Variants in DALRD3 observed in about 807,000 individuals in gnomAD.
DALRD3 encodes DALR anticodon-binding domain-containing protein 3.
Under a neutral mutation model 56.7 loss-of-function variants are expected in DALRD3, and 47 were observed. The observed-to-expected ratio is 0.83, with a 90% CI of 0.66 to 1.06. The LOEUF (loss-of-function observed/expected upper bound fraction) is 1.06, where lower values mean the gene tolerates loss of function less well. Ranked by LOEUF, DALRD3 falls within the 50% of genes least tolerant of loss-of-function variation. DALRD3 has a pLI of 0.00. For synonymous variants in DALRD3, 347 were observed against 308.5 expected (o/e 1.12, Z -1.31); for missense variants, 787 against 724.0 (o/e 1.09, Z -1.00).
upstream of DALRD3, chr3:49,020,529 G>C (rs561404673): frequency 2.3e-6 from 1 of 436,290 alleles, no homozygotes; most frequent in African/African-American, 2.0e-5. Flanking sequence ...TCCAGCCTGA[G>C]GGCGCAACTG....
In DALRD3 at chr3:49,018,240, G is replaced by A. The variant is rs2093114639; in HGVS notation, c.244C>T (p.Pro82Ser). 2 of 1,437,678 alleles carry A rather than the reference G, an allele frequency of 1.4e-6. No homozygotes were observed. Among genetic ancestry groups the A allele is most frequent in the African/African-American group, 1.5e-5 (1 of 67,338 alleles). 89.1% of individuals were successfully genotyped at this position (1,437,678 alleles called of 1,614,324 possible). A position where few individuals can be genotyped will look rare whatever the true frequency, so the allele number is the denominator to read the frequency against. The change falls in exon 2 of 12, where the codon CCC (proline) becomes TCC (serine). Residue 82 changes from proline to serine, a missense_variant. Pro to Ser is a moderately conservative substitution (Grantham distance 74). Transcript: ENST00000341949. Reference sequence around the variant, plus strand: ...TGCAGTTGGAGAGACAGACCCGCGGGGGTCGGCGCGCAGCGCAGCACCGGG... The same window carrying A: ...TGCAGTTGGAGAGACAGACCCGCGGAGGTCGGCGCGCAGCGCAGCACCGGG... ...VAPVLRCAPT[P>S]AGLSLQLQRS...
At chr3:49,020,920 G>A, upstream of DALRD3, 1 of 255,786 alleles carries the variant, frequency 3.9e-6, no homozygotes. Flanking sequence ...TAGATCCGTG[G>A]GGCAGGATTA....
Position 49,017,806 on chromosome 3 carries a change from C to G in DALRD3, c.525G>C (p.Leu175=). 1.9e-6 allele frequency: 3 copies of G among 1,612,706 alleles called. No individual in the cohort carries two copies. Among genetic ancestry groups the G allele is most frequent in the Non-Finnish European group, 2.5e-6 (3 of 1,179,990 alleles). The change falls in exon 3 of 12, where the codon CTG becomes CTC. Residue 175 remains leucine (L), a synonymous_variant. Transcript: ENST00000341949. ...CCGAGGCAGCGGGCCAGTCCACCCG[C>G]AGTTGCTGCAGGAAGGTCAGCATGT... ...DPHMLTFLQQ[L]RVDWPAASER...
chr3:49,019,479 C>CA (rs1279079874), upstream of DALRD3, among the ~76,000 whole-genome samples: 3 of 134,658 alleles, frequency 2.2e-5, no homozygotes, highest in Non-Finnish European at 4.9e-5. Flanking sequence ...AATTACCAGA[C>CA]TTTTTTTTTT....
chr3:49,021,102 C>A (rs951879232), upstream of DALRD3: 1 of 155,470 alleles, frequency 6.4e-6, no homozygotes, highest in Non-Finnish European at 1.4e-5. The surrounding 1 kb of genome is among the most constrained non-coding windows in gnomAD (Gnocchi z 4.1). Context: ...ACGCTGCCAG[C>A]GCCCGGAGCA....
chr3:49,018,237 C>T lies in DALRD3; in HGVS notation c.247G>A (p.Ala83Thr). Residue 83 changes from alanine (A) to threonine (T), a missense_variant, in exon 2 of 12, where the codon GCG becomes ACG. Physicochemically the swap from Ala to Thr is moderately conservative, Grantham distance 58 (BLOSUM62 0). Coordinates refer to ENST00000341949, the MANE Select transcript of DALRD3 (RefSeq NM_001009996.3). ...APVLRCAPTPAGLSLQLQRSA... is the reference protein window; with the variant it reads ...APVLRCAPTPTGLSLQLQRSA... ...CGCTGCAGTTGGAGAGACAGACCCG[C>T]GGGGGTCGGCGCGCAGCGCAGCACC... is the stretch of plus-strand genomic sequence containing the variant. The T allele has an allele frequency of 2.1e-6, 3 of 1,437,516 alleles. No individual in the cohort carries two copies. The highest frequency in any genetic ancestry group is 1.9e-4 in the Middle Eastern group (1 of 5,288). The allele number at this position is 1,437,516 out of a possible 1,614,324, so 89.0% of individuals were successfully genotyped here.
intron 5 of DALRD3, 147 bp downstream of exon 5, chr3:49,017,081 C>T: frequency 3.4e-6 from 4 of 1,159,664 alleles, no homozygotes; most frequent in South Asian, 2.9e-5. Context: ...GCCTCTGCAC[C>T]TGCTGTACAT....
Position 49,016,790 on chromosome 3 carries a change from C to CTG in DALRD3, c.984_985insCA (p.Ala329GlnfsTer19). The CTG allele has an allele frequency of 6.2e-7, 1 of 1,614,192 alleles. No homozygotes were observed. Among genetic ancestry groups the CTG allele is most frequent in the Non-Finnish European group, 8.5e-7 (1 of 1,180,032 alleles). On this transcript the variant is annotated frameshift_variant, in exon 6 of 12. Coordinates refer to ENST00000341949, the MANE Select transcript of DALRD3 (RefSeq NM_001009996.3). LOFTEE classifies it high-confidence loss of function. ...CTCACTCACTCGTAGTACTCAGGGG[C>CTG]AGTCATCAGAGTGCCAGGTGCACCA...
chr3:49,018,122 T>C lies in DALRD3; in HGVS notation c.362A>G (p.His121Arg). 4 of 1,473,704 alleles carry C rather than the reference T, an allele frequency of 2.7e-6. No homozygotes were observed. The South Asian group carries it at 4.2e-5, about 16-fold the overall frequency. The allele number at this position is 1,473,704 out of a possible 1,614,324, so 91.3% of individuals were successfully genotyped here. Residue 121 changes from histidine to arginine, a missense_variant, in exon 2 of 12, where the codon CAC (histidine) becomes CGC (arginine). Coordinates refer to ENST00000341949, the MANE Select transcript of DALRD3 (RefSeq NM_001009996.3). ...PASLGQRVLL[H>R]CPALRSSPCA... ...GGGGGAGCTGCGCAGTGCTGGGCAG[T>C]GTAGTAAGACGCGCTGGCCCAGCGA...
At chr3:49,019,371 C>T (rs1293945514), upstream of DALRD3, among the ~76,000 whole-genome samples, 1 of 151,970 alleles carries the variant, frequency 6.6e-6, no homozygotes, top group African/African-American at 2.4e-5. Flanking sequence ...GCACCCAGCC[C>T]GGGTGGTCTT....
chr3:49,016,206 G>A lies in DALRD3; in HGVS notation c.1281C>T (p.Pro427=), dbSNP rs937195513. 15 of 1,614,146 alleles carry A rather than the reference G, an allele frequency of 9.3e-6. No homozygotes were observed. The highest frequency in any genetic ancestry group is 1.3e-5 in the Non-Finnish European group (15 of 1,180,024). The part of the protein sequence containing the change: ...YKCSMEQGLY[P]TFPPVSSLDF... ...CCAGACTGCTCACAGGAGGAAAAGT[G>A]GGGTACAGACCTTGTTCCATACTAC... The change falls in exon 9 of 12, where the codon CCC becomes CCT. Residue 427 remains proline (P), a synonymous_variant. Transcript: ENST00000341949.
In DALRD3 at chr3:49,016,086, C is replaced by G. The variant is rs756955367; in HGVS notation, c.1330G>C (p.Gly444Arg). 2.8e-5 allele frequency: 45 copies of G among 1,604,302 alleles called. No individual in the cohort carries two copies. Among genetic ancestry groups the G allele is most frequent in the Admixed American group, 5.0e-5 (3 of 59,692 alleles). ...CTGTTGAAGAGCAACAACCACTCAC[C>G]CTGTTGGGGAGAAAGGTGCTGGGAG... ...SLDFSLLHDE[G>R]EWLLLFNSIL... is the part of the protein sequence containing the mutation. The change falls in exon 10 of 12, where the codon GGT becomes CGT. Residue 444 changes from glycine to arginine, a missense_variant and splice_region_variant. Transcript: ENST00000341949.
At position 49,018,417 on chromosome 3, in the gene DALRD3, G is replaced by C. The variant is rs1227537903; in HGVS notation, c.148C>G (p.Arg50Gly). 4 of 1,575,464 alleles carry C rather than the reference G, an allele frequency of 2.5e-6. No individual in the cohort carries two copies. Among genetic ancestry groups the C allele is most frequent in the Non-Finnish European group, 3.4e-6 (4 of 1,162,398 alleles). Residue 50 changes from arginine (R) to glycine (G), a missense_variant, in exon 1 of 12, where the codon CGC becomes GGC. Physicochemically the swap from Arg to Gly is moderately radical, Grantham distance 125. Transcript: ENST00000341949. ...FLAPHRALQARFDDGQVPEHL... is the reference protein window; with the variant it reads ...FLAPHRALQAGFDDGQVPEHL... The stretch of plus-strand genomic sequence containing the variant: ...ACGCCCACCTGGCCGTCATCGAAGC[G>C]CGCCTGCAGCGCGCGGTGCGGTGCC...
Position 49,018,014 on chromosome 3 carries a change from C to T in DALRD3, c.461+9G>A. On this transcript the variant is annotated intron_variant, in intron 2 of 11. Coordinates refer to ENST00000341949, the MANE Select transcript of DALRD3 (RefSeq NM_001009996.3). ...ACTTTCTCCATTCCGGCCCCGCGGCCCCGCTCACCCGTGAGCGCGCAGGGC... is the reference window on the plus strand; with the variant it reads ...ACTTTCTCCATTCCGGCCCCGCGGCTCCGCTCACCCGTGAGCGCGCAGGGC... 4.1e-6 allele frequency: 6 copies of T among 1,478,910 alleles called. No individual in the cohort carries two copies. In the South Asian group the frequency reaches 6.8e-5, roughly 17 times the overall value. The allele number at this position is 1,478,910 out of a possible 1,614,324, so 91.6% of individuals were successfully genotyped here. A position where few individuals can be genotyped will look rare whatever the true frequency, so the allele number is the denominator to read the frequency against.
At chr3:49,018,762 G>A, upstream of DALRD3, 1 of 985,426 alleles carries the variant, frequency 1.0e-6, no homozygotes, top group Non-Finnish European at 1.2e-6. Context: ...GCCGGGCCCC[G>A]GATCTGAAAT....
Position 49,018,222 on chromosome 3 carries a change from GGA to G in DALRD3, c.260_261del (p.Leu87ProfsTer110). ...RCAPTPAGLS[L>X]QLQRSAVFER... ...TCGAAGACGGCGGACCGCTGCAGTTGGAGAGACAGACCCGCGGGGGTCGGCGC... is the reference window on the plus strand; with the variant it reads ...TCGAAGACGGCGGACCGCTGCAGTTGGAGACAGACCCGCGGGGGTCGGCGC... On this transcript the variant is annotated frameshift_variant, in exon 2 of 12. Coordinates refer to ENST00000341949, the MANE Select transcript of DALRD3 (RefSeq NM_001009996.3). LOFTEE classifies it high-confidence loss of function. 2 of 1,443,036 alleles carry G rather than the reference GGA, an allele frequency of 1.4e-6. No homozygotes were observed. Among genetic ancestry groups the G allele is most frequent in the Non-Finnish European group, 1.8e-6 (2 of 1,107,632 alleles). 89.4% of individuals were successfully genotyped at this position (1,443,036 alleles called of 1,614,324 possible). A position where few individuals can be genotyped will look rare whatever the true frequency, so the allele number is the denominator to read the frequency against.
upstream of DALRD3, chr3:49,021,214 C>G (rs2093153276): frequency 2.0e-5 from 3 of 152,520 alleles, no homozygotes; most frequent in South Asian, 6.0e-4. This position sits in a 1 kb window ranked among gnomAD's most constrained non-coding sequence, Gnocchi z 4.1. Flanking sequence ...TGCCGAGCTT[C>G]CCGCTCGCCC....
Position 49,016,422 on chromosome 3 carries a change from G to T in DALRD3, c.1146+7C>A. The stretch of plus-strand genomic sequence containing the variant: ...CAACACTGGCCCTGTCAGGCTCCCA[G>T]GCTCACCTGACTCTGTGGGGCTGTG... On this transcript the variant is annotated splice_region_variant and intron_variant, in intron 8 of 11. Transcript: ENST00000341949. The T allele has an allele frequency of 6.2e-7, 1 of 1,612,458 alleles. No homozygotes were observed. The highest frequency in any genetic ancestry group is 8.5e-7 in the Non-Finnish European group (1 of 1,179,170).
At chr3:49,020,177 C>T (rs374899781), upstream of DALRD3, 1 of 534,572 alleles carries the variant, frequency 1.9e-6, no homozygotes, top group African/African-American at 1.9e-5. Context: ...ACGACATTCC[C>T]GATGGCTTCT....
Sources: gnomAD v4.1 joint callset for allele counts (sites outside exome capture counted in the v4.1 genomes callset) on GRCh38, gnomAD v4.1.1 for gene constraint, Gnocchi (gnomAD v3.1) non-coding constraint, MANE v1.5 for transcripts, NCBI Gene and HGNC (gene_info 2026-07-23, HGNC 2026-07-21) for gene names.